PAPSS1: variants seen among roughly 807,000 people sequenced by gnomAD.
The protein encoded by PAPSS1 is 3'-phosphoadenosine 5'-phosphosulfate synthase 1, also known as bifunctional 3'-phosphoadenosine 5'-phosphosulfate synthase 1.
Under a neutral mutation model 72.0 loss-of-function variants are expected in PAPSS1, and 50 were observed. That is an observed-to-expected ratio of 0.69 (90% confidence interval 0.55 to 0.88). The LOEUF is 0.88. Ranked by LOEUF, PAPSS1 falls within the 40% of genes least tolerant of loss-of-function variation. The pLI, the probability that PAPSS1 is intolerant of heterozygous loss-of-function variation, is 0.00. For missense variants in PAPSS1, 657 were observed against 782.2 expected (o/e 0.84, Z 1.91); for synonymous variants, 261 against 263.6 (o/e 0.99, Z 0.09).
intron 1 of PAPSS1, among the ~76,000 whole-genome samples, chr4:107,701,839 T>C (rs1348543421): frequency 6.6e-6 from 1 of 151,944 alleles, no homozygotes; most frequent in Non-Finnish European, 1.5e-5. Flanking sequence ...AATCAAGAAA[T>C]GCTAAGAAGG....
At chr4:107,653,225 A>C (rs1486864866) in intron 9 of PAPSS1, among the ~76,000 whole-genome samples, 1 of 152,086 alleles carries the variant, frequency 6.6e-6, no homozygotes, top group Non-Finnish European at 1.5e-5. Flanking sequence ...AGTTCCATTC[A>C]GCTTTAACAT....
At chr4:107,713,816 G>C (rs1288489985) in intron 1 of PAPSS1, among the ~76,000 whole-genome samples, 31 of 150,494 alleles carry the variant, frequency 2.1e-4, no homozygotes, top group Admixed American at 2.1e-3. Flanking sequence ...AGGTATGCAA[G>C]CACCAAAGTA....
chr4:107,677,023 C>G (rs1470753153), intron 5 of PAPSS1, among the ~76,000 whole-genome samples: 1 of 152,128 alleles, frequency 6.6e-6, no homozygotes, highest in African/African-American at 2.4e-5. Context: ...ACACCTTATA[C>G]AAAAATTAAT....
intron 10 of PAPSS1, 121 bp downstream of exon 10, chr4:107,644,681 G>C (rs1298910678): frequency 1.1e-6 from 1 of 896,812 alleles, no homozygotes; most frequent in East Asian, 2.8e-5. Flanking sequence ...AGAATGTCAT[G>C]TATAACAAAT....
chr4:107,621,938 T>C (rs1725974874), intron 11 of PAPSS1, among the ~76,000 whole-genome samples: 1 of 151,794 alleles, frequency 6.6e-6, no homozygotes, highest in Non-Finnish European at 1.5e-5. Flanking sequence ...GGAAGACAGG[T>C]TTTTCAGAGT....
intron 11 of PAPSS1, among the ~76,000 whole-genome samples, chr4:107,626,623 T>C (rs543124843): frequency 1.3e-5 from 2 of 152,244 alleles, no homozygotes; most frequent in Non-Finnish European, 2.9e-5. Flanking sequence ...ATAAAGTTTG[T>C]TTCTTTTCTC....
At chr4:107,680,028 A>T (rs1727761224) in intron 5 of PAPSS1, among the ~76,000 whole-genome samples, 1 of 152,172 alleles carries the variant, frequency 6.6e-6, no homozygotes, top group Non-Finnish European at 1.5e-5. Flanking sequence ...CAAAGCTAAA[A>T]TGTTAACAGA....
Position 107,654,787 on chromosome 4 carries a change from T to G in PAPSS1, c.1009A>C (p.Ile337Leu), listed in dbSNP as rs1326909167. Reference protein sequence around the residue: ...ALMYEGRRVAILRNPEFFEHR... With the variant: ...ALMYEGRRVALLRNPEFFEHR... ...TCAAAAAACTCTGGATTGCGAAGAA[T>G]GGCCACACGGCGGCCCTCATACATC... is the stretch of plus-strand genomic sequence containing the variant. Residue 337 changes from isoleucine (I) to leucine (L), a missense_variant, in exon 8 of 12, where the codon ATT becomes CTT. Around this residue, in one of 7 missense-constraint regions of PAPSS1, gnomAD observed 190 missense variants for 176.7 expected, o/e 1.07. Coordinates refer to ENST00000265174, the MANE Select transcript of PAPSS1 (RefSeq NM_005443.5). The G allele has an allele frequency of 1.2e-6, 2 of 1,613,922 alleles. No homozygotes were observed. Among genetic ancestry groups the G allele is most frequent in the Non-Finnish European group, 1.7e-6 (2 of 1,179,950 alleles).
chr4:107,644,100 T>C (rs1203612390), intron 10 of PAPSS1, among the ~76,000 whole-genome samples: 1 of 152,164 alleles, frequency 6.6e-6, no homozygotes, highest in Non-Finnish European at 1.5e-5. Flanking sequence ...TTATTTCCAC[T>C]AGACCATGCT....
chr4:107,689,988 C>T (rs1302625343), intron 3 of PAPSS1, among the ~76,000 whole-genome samples: 3 of 152,146 alleles, frequency 2.0e-5, no homozygotes, highest in African/African-American at 7.2e-5. Flanking sequence ...ACTCAAGCCT[C>T]AAGAGCCCTT....
At chr4:107,712,845 C>T (rs1443551628) in intron 1 of PAPSS1, among the ~76,000 whole-genome samples, 2 of 149,550 alleles carry the variant, frequency 1.3e-5, no homozygotes, top group Non-Finnish European at 3.0e-5. Context: ...TGCACTCCAG[C>T]CAGGCGACAG....
At chr4:107,647,274 A>G (rs1464424381) in intron 9 of PAPSS1, among the ~76,000 whole-genome samples, 2 of 152,226 alleles carry the variant, frequency 1.3e-5, no homozygotes, top group Non-Finnish European at 2.9e-5. Context: ...CACTATTACC[A>G]CAAGACTGGT....
intron 5 of PAPSS1, among the ~76,000 whole-genome samples, chr4:107,676,998 C>T (rs1727669270): frequency 6.6e-6 from 1 of 152,172 alleles, no homozygotes; most frequent in Non-Finnish European, 1.5e-5. Context: ...AAAGCTGAAA[C>T]TGGATCCCTT....
chr4:107,654,935 T>G (rs745604645), intron 7 of PAPSS1, 35 bp from the exon 8 acceptor site: 18 of 1,516,398 alleles, frequency 1.2e-5, no homozygotes, highest in Non-Finnish European at 1.6e-5. Flanking sequence ...GCACACAGCT[T>G]GAATTACTCA....
intron 5 of PAPSS1, among the ~76,000 whole-genome samples, chr4:107,665,613 C>T (rs147142047): frequency 4.6e-5 from 7 of 152,194 alleles, no homozygotes; most frequent in African/African-American, 1.7e-4. Context: ...TCAGGGAGGC[C>T]CTAGGAGTCC....
At chr4:107,644,779 T>G in intron 10 of PAPSS1, 23 bp downstream of exon 10, 1 of 1,585,712 alleles carries the variant, frequency 6.3e-7, no homozygotes, top group Non-Finnish European at 8.6e-7. Flanking sequence ...ACTGCTGCAG[T>G]GAAAATCTTA....
In PAPSS1 at chr4:107,616,414, A is replaced by G. The variant is rs563925314; in HGVS notation, c.1737-2027T>C. Among the ~76,000 whole-genome samples the G allele has an allele frequency of 1.0e-3, 154 of 152,342 alleles. 1 individual carries two copies. The highest frequency in any genetic ancestry group is 2.0e-3 in the Non-Finnish European group (136 of 68,018). ...CTATTAACACACCTGTAAATGACAG[A>G]CATTAGCAGTAAAAAATACATCTGA... On this transcript the variant is annotated intron_variant, in intron 11 of 11. Transcript: ENST00000265174.
At chr4:107,685,564 A>G (rs1345071662) in intron 4 of PAPSS1, among the ~76,000 whole-genome samples, 1 of 152,226 alleles carries the variant, frequency 6.6e-6, no homozygotes, top group Non-Finnish European at 1.5e-5. Flanking sequence ...TCCAATTGTC[A>G]TAATTATTCT....
At chr4:107,621,219 G>A (rs576906979) in intron 11 of PAPSS1, among the ~76,000 whole-genome samples, 29 of 152,246 alleles carry the variant, frequency 1.9e-4, no homozygotes, top group African/African-American at 7.0e-4. Flanking sequence ...CAACCAGTGA[G>A]ATTTATGGCA....
Sources: allele counts gnomAD v4.1 joint callset (sites outside exome capture counted in the v4.1 genomes callset), GRCh38; gene constraint gnomAD v4.1.1; regional missense constraint gnomAD v4.1.1; transcripts MANE v1.5; gene names NCBI Gene and HGNC (gene_info 2026-07-23, HGNC 2026-07-21).